PDE1A: variants seen among roughly 807,000 people sequenced by gnomAD.
PDE1A encodes the protein phosphodiesterase 1A.
Under a neutral mutation model 61.7 loss-of-function variants are expected in PDE1A, and 35 were observed. The ratio of observed to expected loss-of-function variants is 0.57; its 90% CI spans 0.43 to 0.75. The LOEUF (loss-of-function observed/expected upper bound fraction) is 0.75, where lower values mean the gene tolerates loss of function less well. Ranked by LOEUF, PDE1A falls within the 30% of genes least tolerant of loss-of-function variation. The probability of loss-of-function intolerance (pLI) is 0.00; values close to 1 mark genes in which losing one functional copy is unlikely to be tolerated. For synonymous variants in PDE1A, 232 were observed against 213.2 expected (o/e 1.09, Z -0.77); for missense variants, 597 against 630.6 (o/e 0.95, Z 0.57).
intron 2 of PDE1A, among the ~76,000 whole-genome samples, chr2:182,499,170 C>CTT (rs1688924862): frequency 9.3e-5 from 5 of 53,746 alleles, no homozygotes; most frequent in Admixed American, 2.1e-4. Flanking sequence ...TTCTCTTTTT[C>CTT]TTGTTTTTTT....
intron 2 of PDE1A, among the ~76,000 whole-genome samples, chr2:182,256,610 C>T (rs577134356): frequency 6.6e-6 from 1 of 152,128 alleles, no homozygotes; most frequent in East Asian, 1.9e-4. Context: ...TTGGAACCAA[C>T]CCAAATGTCC....
intron 1 of PDE1A, among the ~76,000 whole-genome samples, chr2:182,313,100 A>C (rs111266742): frequency 6.6e-6 from 1 of 152,202 alleles, no homozygotes; most frequent in Non-Finnish European, 1.5e-5. Flanking sequence ...AAACGTACTT[A>C]TTAGTTCTAG....
intron 6 of PDE1A, among the ~76,000 whole-genome samples, chr2:182,229,084 T>C (rs1162871928): frequency 6.6e-6 from 1 of 152,224 alleles, no homozygotes; most frequent in East Asian, 1.9e-4. Context: ...TTTTCTCTAT[T>C]TACCAATTAA....
At chr2:182,701,239 G>T in the PDE1A span, among the ~76,000 whole-genome samples, 1 of 151,624 alleles carries the variant, frequency 6.6e-6, no homozygotes, top group Non-Finnish European at 1.5e-5. Flanking sequence ...GTTTCACCGT[G>T]TTAGCCAGGA....
the PDE1A span, among the ~76,000 whole-genome samples, chr2:182,700,721 C>CAAAAAAAATAAAAAAA: frequency 4.2e-5 from 1 of 24,004 alleles, no homozygotes; most frequent in Non-Finnish European, 9.3e-5. Flanking sequence ...GACTCCATCT[C>CAAAAAAAATAAAAAAA]AAAAAAAAAA....
chr2:182,251,535 G>A (rs964541372), intron 2 of PDE1A, among the ~76,000 whole-genome samples: 1 of 152,174 alleles, frequency 6.6e-6, no homozygotes, highest in Non-Finnish European at 1.5e-5. Flanking sequence ...AAGACCTATT[G>A]AATCAGAAAG....
intron 4 of PDE1A, among the ~76,000 whole-genome samples, chr2:182,233,007 G>A (rs151160741): frequency 2.3e-4 from 35 of 152,246 alleles, no homozygotes; most frequent in African/African-American, 7.0e-4. Flanking sequence ...TTTACTTGGT[G>A]ATATTCCCTC....
the PDE1A span, among the ~76,000 whole-genome samples, chr2:182,619,170 T>C: frequency 1.3e-5 from 2 of 152,190 alleles, no homozygotes; most frequent in African/African-American, 4.8e-5. Flanking sequence ...TATTAAAATA[T>C]CCATGTATTC....
chr2:182,589,629 G>A, the PDE1A span, among the ~76,000 whole-genome samples: 4 of 152,240 alleles, frequency 2.6e-5, no homozygotes, highest in East Asian at 7.7e-4. Context: ...GCAATCCCAC[G>A]AAAAATGCTC....
chr2:182,223,779 A>G (rs952323576), intron 7 of PDE1A, 85 bp downstream of exon 7: 24 of 747,478 alleles, frequency 3.2e-5, no homozygotes, highest in Non-Finnish European at 4.9e-5. Flanking sequence ...AATCTTTATT[A>G]TTTTTTAAAA....
rs183143534 is a variant in PDE1A at position 182,230,737 on chromosome 2, C to T, written c.534+278G>A. ...TCATATTTCTTTAAGACATAGCTGC[C>T]AAACCCTATGTGAGTGTTTTGTGAA... is the stretch of plus-strand genomic sequence containing the variant. On this transcript the variant is annotated intron_variant, in intron 5 of 13. Transcript: ENST00000351439. 8.4e-4 allele frequency among the ~76,000 whole-genome samples: 128 copies of T among 152,178 alleles called. 1 individual carries two copies. The highest frequency in any genetic ancestry group is 7.6e-4 in the Non-Finnish European group (52 of 68,002).
the PDE1A span, among the ~76,000 whole-genome samples, chr2:182,665,873 A>T: frequency 1.3e-5 from 2 of 152,222 alleles, no homozygotes; most frequent in Admixed American, 1.3e-4. Flanking sequence ...ACACCATAGA[A>T]TACTATGCAG....
intron 1 of PDE1A, among the ~76,000 whole-genome samples, chr2:182,326,183 C>T (rs1697034623): frequency 6.6e-6 from 1 of 152,084 alleles, no homozygotes; most frequent in African/African-American, 2.4e-5. Flanking sequence ...AACACTTGTG[C>T]ATTACTGGTG....
At chr2:182,218,018 C>A (rs1380673475) in intron 7 of PDE1A, among the ~76,000 whole-genome samples, 50 of 148,664 alleles carry the variant, frequency 3.4e-4, no homozygotes, top group African/African-American at 1.1e-3. Flanking sequence ...TGGAACCAAC[C>A]CAAATGTCCA....
At chr2:182,575,450 A>G in the PDE1A span, among the ~76,000 whole-genome samples, 1 of 151,822 alleles carries the variant, frequency 6.6e-6, no homozygotes, top group Non-Finnish European at 1.5e-5. Context: ...TAATGGAATA[A>G]TTGTTGTGAC....
intron 1 of PDE1A, among the ~76,000 whole-genome samples, chr2:182,401,897 C>T (rs569993140): frequency 1.3e-5 from 2 of 152,098 alleles, no homozygotes; most frequent in African/African-American, 4.8e-5. Context: ...AACAGAGAGC[C>T]AAATCATGAG....
At chr2:182,415,346 C>T (rs1702851929) in intron 1 of PDE1A, among the ~76,000 whole-genome samples, 1 of 152,052 alleles carries the variant, frequency 6.6e-6, no homozygotes, top group South Asian at 2.1e-4. Context: ...GTCTCAAACA[C>T]ATTAAAATAA....
chr2:182,425,689 C>A (rs1703575483), intron 1 of PDE1A, among the ~76,000 whole-genome samples: 1 of 152,046 alleles, frequency 6.6e-6, no homozygotes, highest in Non-Finnish European at 1.5e-5. Flanking sequence ...TACGTTTTAT[C>A]ATCCTGTATT....
chr2:182,151,174 G>A (rs190791372), intron 13 of PDE1A, among the ~76,000 whole-genome samples: 2 of 152,256 alleles, frequency 1.3e-5, no homozygotes, highest in East Asian at 1.9e-4. Flanking sequence ...TGCAACCTCC[G>A]CTTCCTGGGT....
Sources: allele counts gnomAD v4.1 joint callset (sites outside exome capture counted in the v4.1 genomes callset), GRCh38; gene constraint gnomAD v4.1.1; transcripts MANE v1.5; gene names NCBI Gene and HGNC (gene_info 2026-07-23, HGNC 2026-07-21).